DOK6: variants seen among roughly 807,000 people sequenced by gnomAD.
DOK6 encodes the protein docking protein 6, also known as downstream of tyrosine kinase 6.
Under a neutral mutation model 44.0 loss-of-function variants are expected in DOK6, and 22 were observed. The observed-to-expected ratio is 0.50, with a 90% CI of 0.36 to 0.71. The LOEUF (loss-of-function observed/expected upper bound fraction) is 0.71. Ranked by LOEUF, DOK6 falls within the 30% of genes least tolerant of loss-of-function variation. The pLI, the probability that DOK6 is intolerant of heterozygous loss-of-function variation, is 0.00. For synonymous variants in DOK6, 166 were observed against 145.5 expected, an observed-to-expected ratio of 1.14 and a Z score of -1.01; for missense variants, 340 against 416.4, an observed-to-expected ratio of 0.82 and a Z score of 1.60.
chr18:69,636,709 C>T (rs1387892319), intron 3 of DOK6, among the ~76,000 whole-genome samples: 1 of 152,160 alleles, frequency 6.6e-6, no homozygotes, highest in African/African-American at 2.4e-5. Flanking sequence ...CTTGCAGTTA[C>T]TGTATCACTC....
intron 1 of DOK6, among the ~76,000 whole-genome samples, chr18:69,420,382 A>G (rs11660323): frequency 0.056 from 8,505 of 152,236 alleles, 281 homozygotes; most frequent in Middle Eastern, 0.13. Context: ...ATTAGGAATC[A>G]TCCCAACAAT....
intron 1 of DOK6, among the ~76,000 whole-genome samples, chr18:69,497,518 C>G (rs550810905): frequency 1.2e-4 from 19 of 152,264 alleles, no homozygotes; most frequent in African/African-American, 4.6e-4. Context: ...ACGGTGATGT[C>G]TCAAGCACTG....
intron 5 of DOK6, among the ~76,000 whole-genome samples, chr18:69,722,946 C>G (rs1978291208): frequency 6.6e-6 from 1 of 152,134 alleles, no homozygotes; most frequent in African/African-American, 2.4e-5. Flanking sequence ...TTTTCTTACT[C>G]TTTGTGCTAA....
At chr18:69,678,665 G>C (rs1239844233) in intron 4 of DOK6, among the ~76,000 whole-genome samples, 1 of 152,134 alleles carries the variant, frequency 6.6e-6, no homozygotes, top group African/African-American at 2.4e-5. Context: ...AACAATTTAT[G>C]CTGCATGTTC....
At chr18:69,817,781 A>G (rs1233584400) in intron 7 of DOK6, among the ~76,000 whole-genome samples, 2 of 152,068 alleles carry the variant, frequency 1.3e-5, no homozygotes, top group African/African-American at 4.8e-5. Flanking sequence ...TCCTCTAACA[A>G]CGGAGTGTAG....
chr18:69,529,456 T>TAA (rs1427533032), intron 1 of DOK6, among the ~76,000 whole-genome samples: 1 of 152,192 alleles, frequency 6.6e-6, no homozygotes, highest in East Asian at 1.9e-4. Flanking sequence ...CTCCGCAATC[T>TAA]TTATTTATTT....
chr18:69,717,355 A>G (rs1986906938), intron 5 of DOK6, among the ~76,000 whole-genome samples: 2 of 152,244 alleles, frequency 1.3e-5, no homozygotes, highest in Non-Finnish European at 2.9e-5. Flanking sequence ...ACTTAAAAAT[A>G]TGAAAATGAT....
intron 7 of DOK6, among the ~76,000 whole-genome samples, chr18:69,777,145 A>T (rs371084087): frequency 1.2e-4 from 15 of 121,410 alleles, no homozygotes; most frequent in Non-Finnish European, 2.1e-4. Flanking sequence ...AGTATAATAA[A>T]AAAAAAAAAG....
chr18:69,710,457 A>C (rs1986731345), intron 5 of DOK6, among the ~76,000 whole-genome samples: 1 of 152,224 alleles, frequency 6.6e-6, no homozygotes, highest in Non-Finnish European at 1.5e-5. Flanking sequence ...CAGTGCTGCA[A>C]AAACACATGT....
chr18:69,801,651 G>A (rs1204198738), intron 7 of DOK6, among the ~76,000 whole-genome samples: 2 of 152,140 alleles, frequency 1.3e-5, no homozygotes, highest in Non-Finnish European at 2.9e-5. Context: ...TACACTGGGG[G>A]CTGTATTTTC....
intron 3 of DOK6, among the ~76,000 whole-genome samples, chr18:69,620,615 C>T (rs1464205838): frequency 6.6e-6 from 1 of 152,120 alleles, no homozygotes; most frequent in African/African-American, 2.4e-5. Flanking sequence ...ATAGCAATCC[C>T]ACCTCATGGG....
At chr18:69,605,713 GA>G (rs1371327513) in intron 3 of DOK6, among the ~76,000 whole-genome samples, 2 of 151,996 alleles carry the variant, frequency 1.3e-5, no homozygotes, top group African/African-American at 4.8e-5. Context: ...AAAACTATGA[GA>G]AAATAAAAAA....
intron 3 of DOK6, among the ~76,000 whole-genome samples, chr18:69,609,247 T>C (rs1008319536): frequency 1.4e-4 from 21 of 152,132 alleles, no homozygotes; most frequent in Non-Finnish European, 8.8e-5. Context: ...ACTTGCAAAC[T>C]ATCTACCTGA....
chr18:69,789,603 C>T (rs976466886), intron 7 of DOK6, among the ~76,000 whole-genome samples: 1 of 152,014 alleles, frequency 6.6e-6, no homozygotes, highest in African/African-American at 2.4e-5. Context: ...CAACTGAGAA[C>T]CTGAGATTGT....
chr18:69,497,666 T>C (rs557607032), intron 1 of DOK6, among the ~76,000 whole-genome samples: 10 of 152,304 alleles, frequency 6.6e-5, no homozygotes, highest in South Asian at 6.2e-4. Context: ...TAAATACGTA[T>C]TTGTTGAATT....
At chr18:69,798,291 C>G (rs1980806376) in intron 7 of DOK6, among the ~76,000 whole-genome samples, 1 of 152,002 alleles carries the variant, frequency 6.6e-6, no homozygotes, top group South Asian at 2.1e-4. Context: ...GGGAAGAAGT[C>G]TATGATAAAG....
intron 1 of DOK6, chr18:69,471,593 T>TG (rs1449086004): frequency 6.6e-6 from 1 of 151,634 alleles, no homozygotes; most frequent in Non-Finnish European, 1.5e-5. Flanking sequence ...TTGTTTTTTT[T>TG]TTTTTGTAGA....
intron 1 of DOK6, among the ~76,000 whole-genome samples, chr18:69,455,194 GA>G (rs60602689): frequency 0.47 from 67,087 of 141,320 alleles, 16,252 homozygotes; most frequent in East Asian, 0.71. Context: ...AAGAAAAAAG[GA>G]AAAAAAAAAG....
chr18:69,553,145 A>G (rs141141318), intron 1 of DOK6, among the ~76,000 whole-genome samples: 362 of 152,316 alleles, frequency 2.4e-3, no homozygotes, highest in African/African-American at 8.2e-3. Flanking sequence ...TTGAATGCCT[A>G]TGTTGCTGCA....
Sources: gnomAD v4.1 joint callset for allele counts (sites outside exome capture counted in the v4.1 genomes callset) on GRCh38, gnomAD v4.1.1 for gene constraint, MANE v1.5 for transcripts, NCBI Gene and HGNC (gene_info 2026-07-23, HGNC 2026-07-21) for gene names.